The following TMEM63B variants were observed in gnomAD, a reference collection of about 807,000 sequenced individuals.
The protein encoded by TMEM63B is mechanosensitive cation channel TMEM63B.
A neutral mutation model predicts 102.6 loss-of-function variants in TMEM63B; 23 were observed. That is an observed-to-expected ratio of 0.22 (90% CI 0.16 to 0.32). TMEM63B has a LOEUF of 0.32. TMEM63B is among the 10% of genes least tolerant of loss of function. The probability of loss-of-function intolerance (pLI) is 1.00; values close to 1 mark genes in which losing one functional copy is unlikely to be tolerated. For synonymous variants in TMEM63B, 444 were observed against 437.0 expected, an observed-to-expected ratio of 1.02 and a Z score of -0.20; for missense variants, 628 against 1,095.9, an observed-to-expected ratio of 0.57 and a Z score of 6.03.
intron 6 of TMEM63B, 58 bp from the exon 7 acceptor site, chr6:44,139,409 A>G (rs1039982875): frequency 7.5e-6 from 12 of 1,595,398 alleles, no homozygotes; most frequent in Non-Finnish European, 9.4e-6. Flanking sequence ...GGCAAGTTGC[A>G]GCCCCCTTCT....
In TMEM63B at chr6:44,152,117, G is replaced by A; in HGVS notation, c.1836+109G>A. ...GGGGCACAGGAGGGCTGAGACTTGG[G>A]GAGTACAGTTGACTCACGGTGGATC... On this transcript the variant is annotated intron_variant, in intron 19 of 23. Coordinates refer to ENST00000323267, the MANE Select transcript of TMEM63B (RefSeq NM_018426.3). This position sits in a 1 kb window ranked among gnomAD's most constrained non-coding sequence, Gnocchi z 6.4. The A allele has an allele frequency of 7.4e-7, 1 of 1,350,890 alleles. No homozygotes were observed. The highest frequency in any genetic ancestry group is 9.8e-7 in the Non-Finnish European group (1 of 1,015,690). 83.7% of individuals were successfully genotyped at this position (1,350,890 alleles called of 1,614,324 possible).
chr6:44,140,203 G>C, intron 8 of TMEM63B, 49 bp from the exon 9 acceptor site: 1 of 1,459,200 alleles, frequency 6.9e-7, no homozygotes, highest in South Asian at 1.2e-5. Context: ...TCTCCTCTGA[G>C]TGTGTCCTAG....
At position 44,138,736 on chromosome 6, in the gene TMEM63B, G is replaced by GTCCCC. The variant is rs567563400; in HGVS notation, c.407+219_407+220insTCCCC. ...TAATCTCCTCTGTGACCCCCTGCCG[G>GTCCCC]CCCCCCCGCTTCTCTCCCTGCCCTG... On this transcript the variant is annotated intron_variant, in intron 6 of 23. Transcript: ENST00000323267. 39 of 288,554 alleles carry GTCCCC rather than the reference G, an allele frequency of 1.4e-4. 1 individual carries two copies. Among genetic ancestry groups the GTCCCC allele is most frequent in the Admixed American group, 2.5e-4 (5 of 19,762 alleles). 17.9% of individuals were successfully genotyped at this position (288,554 alleles called of 1,614,324 possible). A position where few individuals can be genotyped will look rare whatever the true frequency, so the allele number is the denominator to read the frequency against.
At chr6:44,151,408 T>C (rs6934989) in intron 18 of TMEM63B, among the ~76,000 whole-genome samples, 47,539 of 151,740 alleles carry the variant, frequency 0.31, 7,986 homozygotes, top group East Asian at 0.54. Context: ...CCAGAGATGT[T>C]GCGGGAAGGG....
chr6:44,134,960 A>G, intron 2 of TMEM63B, 57 bp from the exon 3 acceptor site: 1 of 1,591,006 alleles, frequency 6.3e-7, no homozygotes, highest in Non-Finnish European at 8.6e-7. Flanking sequence ...TCTGCCCCCT[A>G]GTCCAGCAGG....
intron 11 of TMEM63B, 86 bp from the exon 12 acceptor site, chr6:44,147,291 C>CT: frequency 6.3e-7 from 1 of 1,596,580 alleles, no homozygotes; most frequent in Non-Finnish European, 8.6e-7. Flanking sequence ...AAGACAGCTC[C>CT]TGTCCTTGGG....
Position 44,154,965 on chromosome 6 carries a change from A to G in TMEM63B, c.*82A>G. On this transcript the variant is annotated 3_prime_UTR_variant, in exon 24 of 24. Coordinates refer to ENST00000323267, the MANE Select transcript of TMEM63B (RefSeq NM_018426.3). The stretch of plus-strand genomic sequence containing the variant: ...GACACTAAAACGCTAATAATTTATT[A>G]GATCTAAAGCCCCTTCCTCCCCAGC... The G allele has an allele frequency of 7.6e-7, 1 of 1,309,074 alleles. No homozygotes were observed. Among genetic ancestry groups the G allele is most frequent in the Middle Eastern group, 2.9e-4 (1 of 3,460 alleles). The allele number at this position is 1,309,074 out of a possible 1,614,324, so 81.1% of individuals were successfully genotyped here.
intron 5 of TMEM63B, among the ~76,000 whole-genome samples, chr6:44,136,804 T>C (rs994754642): frequency 1.3e-5 from 2 of 152,254 alleles, no homozygotes; most frequent in African/African-American, 4.8e-5. Context: ...CCCAGCACTT[T>C]GGGAGGCCGA....
In TMEM63B at chr6:44,148,563, G is replaced by A; in HGVS notation, c.1172G>A (p.Gly391Glu). 1 of 1,614,230 alleles carries A rather than the reference G, an allele frequency of 6.2e-7. No individual in the cohort carries two copies. Among genetic ancestry groups the A allele is most frequent in the Admixed American group, 1.7e-5 (1 of 60,030 alleles). The change falls in exon 14 of 24, where the codon GGG (glycine) becomes GAG (glutamate). Residue 391 changes from glycine (G) to glutamate (E), a missense_variant. Gly to Glu is a moderately conservative substitution (Grantham distance 98). Coordinates refer to ENST00000323267, the MANE Select transcript of TMEM63B (RefSeq NM_018426.3). The surrounding 1 kb of genome is among the most constrained non-coding windows in gnomAD (Gnocchi z 5.1). ...AAATGCCAGGGCTGCACCTGCCGTGGGGAGCCACGCCCCTCATCCTGCAGC... is the reference window on the plus strand; with the variant it reads ...AAATGCCAGGGCTGCACCTGCCGTGAGGAGCCACGCCCCTCATCCTGCAGC... ...VCKCQGCTCR[G>E]EPRPSSCSES...
chr6:44,134,890 T>A, intron 2 of TMEM63B, 127 bp from the exon 3 acceptor site: 3 of 1,494,826 alleles, frequency 2.0e-6, no homozygotes, highest in Non-Finnish European at 2.7e-6. Context: ...AGCCTCGCCT[T>A]TGACCATTCA....
rs1765953788 is a variant in TMEM63B, at chr6:44,148,781, C to T, written c.1260-11C>T. The T allele has an allele frequency of 6.2e-7, 1 of 1,613,976 alleles. No individual in the cohort carries two copies. Among genetic ancestry groups the T allele is most frequent in the South Asian group, 1.1e-5 (1 of 91,074 alleles). On this transcript the variant is annotated splice_polypyrimidine_tract_variant and intron_variant, in intron 14 of 23. Coordinates refer to ENST00000323267, the MANE Select transcript of TMEM63B (RefSeq NM_018426.3). The surrounding 1 kb of genome is among the most constrained non-coding windows in gnomAD (Gnocchi z 5.1). ...TTGGTTCCTGGACTGACCGGTTCCC[C>T]ACCTTGCCAGGGAGCACCTCTCCAT...
intron 10 of TMEM63B, among the ~76,000 whole-genome samples, chr6:44,144,898 T>TAA (rs1765029846): frequency 6.6e-6 from 1 of 152,074 alleles, no homozygotes; most frequent in Admixed American, 6.5e-5. Context: ...GTGTTCAACC[T>TAA]AAAAATTTTA....
chr6:44,127,416 T>G (rs1314192581), upstream of TMEM63B: 5 of 151,570 alleles, frequency 3.3e-5, no homozygotes, highest in Non-Finnish European at 7.4e-5. Flanking sequence ...ACGCGGCCTC[T>G]TCCTAGCGCC....
chr6:44,131,734 A>AC (rs147027033), intron 1 of TMEM63B, among the ~76,000 whole-genome samples: 88,703 of 146,560 alleles, frequency 0.61, 27,944 homozygotes, highest in East Asian at 0.81. Context: ...ATACACAACA[A>AC]CCCCCCCAAA....
In TMEM63B at chr6:44,154,920, A is replaced by G. The variant is rs1211939705; in HGVS notation, c.*37A>G. ...GGCCCTGGAGGCCACATCCTGCCCC[A>G]CCCCACCCCCACTCCCACGGACACT... On this transcript the variant is annotated 3_prime_UTR_variant, in exon 24 of 24. Coordinates refer to ENST00000323267, the MANE Select transcript of TMEM63B (RefSeq NM_018426.3). The G allele has an allele frequency of 6.8e-7, 1 of 1,466,716 alleles. No homozygotes were observed. Among genetic ancestry groups the G allele is most frequent in the Non-Finnish European group, 9.0e-7 (1 of 1,105,466 alleles). 90.9% of individuals were successfully genotyped at this position (1,466,716 alleles called of 1,614,324 possible).
intron 21 of TMEM63B, 99 bp downstream of exon 21, chr6:44,153,942 A>G: frequency 1.3e-6 from 2 of 1,567,596 alleles, no homozygotes; most frequent in South Asian, 1.2e-5. Context: ...GTGGCAGGCA[A>G]GGGGCCTGGG....
rs1019534666 is a variant in TMEM63B, at chr6:44,136,523, G to T, written c.369+84G>T. On this transcript the variant is annotated intron_variant, in intron 5 of 23. Coordinates refer to ENST00000323267, the MANE Select transcript of TMEM63B (RefSeq NM_018426.3). ...TGAGAAGTCCCTCACTTTCAGTGATGTGGAGTCAGGGATGCTGGTTTGGCC... is the reference window on the plus strand; with the variant it reads ...TGAGAAGTCCCTCACTTTCAGTGATTTGGAGTCAGGGATGCTGGTTTGGCC... 7.3e-6 allele frequency: 7 copies of T among 964,116 alleles called. No individual in the cohort carries two copies. In the African/African-American group the frequency reaches 1.1e-4, roughly 16 times the overall value. The allele number at this position is 964,116 out of a possible 1,614,324, so 59.7% of individuals were successfully genotyped here.
intron 15 of TMEM63B, chr6:44,149,165 C>A (rs915054941): frequency 3.2e-6 from 2 of 620,838 alleles, no homozygotes; most frequent in Non-Finnish European, 5.6e-6. Context: ...GGAGAAACAC[C>A]CAGGGAAGAG....
At chr6:44,139,170 C>T (rs912487778) in intron 6 of TMEM63B, among the ~76,000 whole-genome samples, 1 of 152,110 alleles carries the variant, frequency 6.6e-6, no homozygotes, top group African/African-American at 2.4e-5. Flanking sequence ...TCTTCCCCTT[C>T]CTGTCTCTGC....
Sources: gnomAD v4.1 joint callset for allele counts (sites outside exome capture counted in the v4.1 genomes callset) on GRCh38, gnomAD v4.1.1 for gene constraint, Gnocchi (gnomAD v3.1) non-coding constraint, MANE v1.5 for transcripts, NCBI Gene and HGNC (gene_info 2026-07-23, HGNC 2026-07-21) for gene names.